The following FRMD4A variants were observed in gnomAD, a reference collection of about 807,000 sequenced individuals.
The protein encoded by FRMD4A is FERM domain containing 4A.
A neutral mutation model predicts 129.1 loss-of-function variants in FRMD4A; 29 were observed. The observed-to-expected ratio is 0.22, with a 90% CI of 0.17 to 0.31. The LOEUF is 0.31. FRMD4A is among the 10% of genes least tolerant of loss of function. FRMD4A has a pLI of 1.00. For missense variants in FRMD4A, 1,272 were observed against 1,375.8 expected (o/e 0.92, Z 1.19); for synonymous variants, 634 against 571.6 (o/e 1.11, Z -1.56).
chr10:13,716,920 C>A (rs1484762926), intron 12 of FRMD4A, among the ~76,000 whole-genome samples: 1 of 152,114 alleles, frequency 6.6e-6, no homozygotes, highest in Admixed American at 6.6e-5. Context: ...TAAATACTTT[C>A]AAGAGAAGCT....
intron 2 of FRMD4A, among the ~76,000 whole-genome samples, chr10:14,093,731 T>G (rs1836786603): frequency 1.3e-5 from 2 of 152,358 alleles, no homozygotes; most frequent in Middle Eastern, 3.4e-3. Context: ...TAATAGAGAC[T>G]AGATATCCTG....
In FRMD4A at chr10:14,186,148, AG is replaced by A. The variant is rs1307156532; in HGVS notation, c.45+143909del. Among the ~76,000 whole-genome samples, 75 of 149,584 alleles carry A rather than the reference AG, an allele frequency of 5.0e-4. No individual in the cohort carries two copies. The East Asian group carries it at 7.9e-3, about 16-fold the overall frequency. On this transcript the variant is annotated intron_variant, in intron 2 of 24. Coordinates refer to ENST00000357447, the MANE Select transcript of FRMD4A (RefSeq NM_018027.5). ...TACAAAATCGCAGATAAAAAGAAAA[AG>A]AAAAAAAAAAAAAGACTGGCCAAAA...
At chr10:13,658,271 C>G (rs1370973120) in intron 21 of FRMD4A, among the ~76,000 whole-genome samples, 1 of 152,090 alleles carries the variant, frequency 6.6e-6, no homozygotes, top group African/African-American at 2.4e-5. Context: ...TAAATAGACT[C>G]CCCTTTCCTG....
At chr10:13,757,029 CA>C (rs1420658542) in intron 8 of FRMD4A, among the ~76,000 whole-genome samples, 1 of 152,218 alleles carries the variant, frequency 6.6e-6, no homozygotes, top group Non-Finnish European at 1.5e-5. Context: ...GCTCCATTCT[CA>C]AAACCCTGCA....
chr10:14,082,243 G>A (rs1985515), intron 2 of FRMD4A, among the ~76,000 whole-genome samples: 80,343 of 151,728 alleles, frequency 0.53, 23,556 homozygotes, highest in East Asian at 0.84. Flanking sequence ...CGAGACTCCA[G>A]ATAAAAAAAA....
chr10:13,974,651 C>A (rs965249615), intron 2 of FRMD4A, among the ~76,000 whole-genome samples: 1 of 152,118 alleles, frequency 6.6e-6, no homozygotes, highest in Non-Finnish European at 1.5e-5. Flanking sequence ...CTCAGCCTCC[C>A]GAGTACCTGG....
intron 2 of FRMD4A, among the ~76,000 whole-genome samples, chr10:14,321,408 G>A (rs1843045053): frequency 6.6e-6 from 1 of 151,560 alleles, no homozygotes; most frequent in African/African-American, 2.4e-5. Context: ...AGGTAGAATA[G>A]CACTCCAAAG....
chr10:13,805,270 A>C (rs1254090819), intron 4 of FRMD4A, among the ~76,000 whole-genome samples: 2 of 152,054 alleles, frequency 1.3e-5, no homozygotes, highest in African/African-American at 2.4e-5. Context: ...CAGCCTCCCA[A>C]CGTGTTGGGA....
chr10:13,776,934 C>A (rs11258592), intron 6 of FRMD4A, among the ~76,000 whole-genome samples: 90,445 of 152,174 alleles, frequency 0.59, 28,971 homozygotes, highest in East Asian at 0.86. Context: ...CTAAATCCAA[C>A]GAGCTAATCA....
intron 2 of FRMD4A, among the ~76,000 whole-genome samples, chr10:14,089,710 T>C: frequency 6.6e-6 from 1 of 151,410 alleles, no homozygotes; most frequent in East Asian, 1.9e-4. Context: ...TTTTCGCTTG[T>C]GGGAAAATAC....
intron 2 of FRMD4A, among the ~76,000 whole-genome samples, chr10:13,992,816 G>A (rs541419849): frequency 6.6e-6 from 1 of 152,120 alleles, no homozygotes; most frequent in South Asian, 2.1e-4. Flanking sequence ...AGCCAGGCAT[G>A]GTGGCGCATG....
chr10:13,808,348 T>C (rs1208571728), intron 4 of FRMD4A, among the ~76,000 whole-genome samples: 1 of 152,306 alleles, frequency 6.6e-6, no homozygotes, highest in Non-Finnish European at 1.5e-5. Flanking sequence ...ACAATACACA[T>C]GCAGAATTAG....
chr10:14,197,168 T>G (rs894726423), intron 2 of FRMD4A, among the ~76,000 whole-genome samples: 2 of 152,156 alleles, frequency 1.3e-5, no homozygotes, highest in African/African-American at 4.8e-5. Flanking sequence ...GGTACCTCAG[T>G]TGTTCAATTC....
intron 2 of FRMD4A, among the ~76,000 whole-genome samples, chr10:14,051,896 A>C (rs966742782): frequency 2.6e-5 from 4 of 152,212 alleles, no homozygotes; most frequent in African/African-American, 4.8e-5. Flanking sequence ...ATAGTGTCTC[A>C]CCCTCAATTA....
Position 14,269,729 on chromosome 10 carries a change from G to C in FRMD4A, c.45+60329C>G, listed in dbSNP as rs1273838019. On this transcript the variant is annotated intron_variant, in intron 2 of 24. Transcript: ENST00000357447. ...TTAATCCCTTTTGTGAGGTCCCTATGATGGCTGATTTTGGGTGTCAATGTG... is the reference window on the plus strand; with the variant it reads ...TTAATCCCTTTTGTGAGGTCCCTATCATGGCTGATTTTGGGTGTCAATGTG... Among the ~76,000 whole-genome samples the C allele has an allele frequency of 3.9e-5, 6 of 152,300 alleles. No homozygotes were observed. In the East Asian group the frequency reaches 1.2e-3, roughly 29 times the overall value.
intron 2 of FRMD4A, among the ~76,000 whole-genome samples, chr10:14,060,585 G>A (rs1565220328): frequency 6.6e-6 from 1 of 152,132 alleles, no homozygotes; most frequent in Non-Finnish European, 1.5e-5. Flanking sequence ...TTTTATTTCT[G>A]CTTCTACTTT....
intron 14 of FRMD4A, among the ~76,000 whole-genome samples, chr10:13,695,281 C>G (rs2086109034): frequency 6.6e-6 from 1 of 151,976 alleles, no homozygotes; most frequent in African/African-American, 2.4e-5. Flanking sequence ...GTGGGGATTA[C>G]AGGTGTCCAC....
chr10:13,898,290 C>G (rs79925435), intron 2 of FRMD4A, among the ~76,000 whole-genome samples: 2,659 of 152,094 alleles, frequency 0.017, 79 homozygotes, highest in African/African-American at 0.058. Context: ...TACTTGAACC[C>G]AGGAGGTGGA....
At chr10:14,272,778 A>G (rs1453788741) in intron 2 of FRMD4A, among the ~76,000 whole-genome samples, 1 of 152,166 alleles carries the variant, frequency 6.6e-6, no homozygotes, top group African/African-American at 2.4e-5. Context: ...AGGAATATTG[A>G]CTTGCCTTAA....
Sources: gnomAD v4.1 joint callset for allele counts (sites outside exome capture counted in the v4.1 genomes callset) on GRCh38, gnomAD v4.1.1 for gene constraint, MANE v1.5 for transcripts, NCBI Gene and HGNC (gene_info 2026-07-23, HGNC 2026-07-21) for gene names.